Variants in TOR1AIP2 observed in about 807,000 individuals in gnomAD.
TOR1AIP2 encodes torsin-1A-interacting protein 2.
A neutral mutation model predicts 32.6 loss-of-function variants in TOR1AIP2; 20 were observed. The observed-to-expected ratio is 0.61, with a 90% CI of 0.43 to 0.89. The LOEUF is 0.89. TOR1AIP2 is among the 40% of genes least tolerant of loss of function. The probability of loss-of-function intolerance (pLI) is 0.00; values close to 1 mark genes in which losing one functional copy is unlikely to be tolerated. For synonymous variants in TOR1AIP2, 214 were observed against 210.8 expected, an observed-to-expected ratio of 1.02 and a Z score of -0.13; for missense variants, 456 against 553.8, an observed-to-expected ratio of 0.82 and a Z score of 1.77.
intron 3 of TOR1AIP2, among the ~76,000 whole-genome samples, chr1:179,855,904 C>T (rs1558015048): frequency 1.3e-5 from 2 of 152,102 alleles, no homozygotes; most frequent in East Asian, 3.8e-4. Flanking sequence ...GCTGACCAGG[C>T]ACAGTGGCTC....
At chr1:179,858,377 T>C (rs1010030739) in intron 3 of TOR1AIP2, among the ~76,000 whole-genome samples, 1 of 152,156 alleles carries the variant, frequency 6.6e-6, no homozygotes, top group African/African-American at 2.4e-5. Context: ...TTCCATTTAG[T>C]GCTTGCTTCT....
At chr1:179,864,995 C>A in intron 3 of TOR1AIP2, 5 of 1,614,032 alleles carry the variant, frequency 3.1e-6, no homozygotes, top group Non-Finnish European at 4.2e-6. Context: ...AAGAACAAGG[C>A]TTCTATTAGC....
chr1:179,872,063 A>T (rs757622398), intron 2 of TOR1AIP2, among the ~76,000 whole-genome samples: 5 of 152,226 alleles, frequency 3.3e-5, no homozygotes, highest in Non-Finnish European at 7.3e-5. Context: ...CCCTCTTTAG[A>T]ACAGAGAAGC....
chr1:179,859,481 T>TA, intron 3 of TOR1AIP2: 1 of 985,428 alleles, frequency 1.0e-6, no homozygotes. Context: ...CTGGAAAACT[T>TA]ACATCTAGGT....
intron 3 of TOR1AIP2, chr1:179,864,582 A>G: frequency 1.5e-6 from 2 of 1,322,554 alleles, no homozygotes; most frequent in Non-Finnish European, 1.9e-6. Flanking sequence ...GCCTCAGTCT[A>G]GATGAACAGG....
In TOR1AIP2 at chr1:179,844,118, C is replaced by T. The variant is rs931984620; in HGVS notation, c.*1953G>A. 5.9e-5 allele frequency: 9 copies of T among 152,128 alleles called. No individual in the cohort carries two copies. Among genetic ancestry groups the T allele is most frequent in the Middle Eastern group, 3.2e-3 (1 of 316 alleles). 9.4% of individuals were successfully genotyped at this position (152,128 alleles called of 1,614,324 possible). ...GGCAACACTGGTTTTGTGGATGTAACGCTAGCATCTAAGATCTAAAAAGAC... is the reference window on the plus strand; with the variant it reads ...GGCAACACTGGTTTTGTGGATGTAATGCTAGCATCTAAGATCTAAAAAGAC... On this transcript the variant is annotated 3_prime_UTR_variant, in exon 7 of 7. Transcript: ENST00000609928.
chr1:179,842,386 T>A lies in TOR1AIP2; in HGVS notation c.*3685A>T, dbSNP rs188466586. 6.6e-6 allele frequency: 1 copy of A among 152,234 alleles called. No homozygotes were observed. The highest frequency in any genetic ancestry group is 1.9e-4 in the East Asian group (1 of 5,186). The allele number at this position is 152,234 out of a possible 1,614,324, so 9.4% of individuals were successfully genotyped here. A position where few individuals can be genotyped will look rare whatever the true frequency, so the allele number is the denominator to read the frequency against. Reference sequence around the variant, plus strand: ...TATTGATTGCTTTTTAAAATAGAAATATGAAACAAATTAGCATTACTATTT... The same window carrying A: ...TATTGATTGCTTTTTAAAATAGAAAAATGAAACAAATTAGCATTACTATTT... On this transcript the variant is annotated 3_prime_UTR_variant, in exon 7 of 7. Coordinates refer to ENST00000609928, the MANE Select transcript of TOR1AIP2 (RefSeq NM_001199260.2).
intron 3 of TOR1AIP2, among the ~76,000 whole-genome samples, chr1:179,857,102 A>G (rs1696330408): frequency 6.6e-6 from 1 of 152,264 alleles, no homozygotes; most frequent in Non-Finnish European, 1.5e-5. Context: ...TTTTGATAGT[A>G]TCTTCTACAA....
intron 3 of TOR1AIP2, chr1:179,859,268 A>C: frequency 9.4e-6 from 8 of 846,672 alleles, no homozygotes; most frequent in Non-Finnish European, 1.1e-5. Context: ...TTTAATCTTC[A>C]CAACAATCTT....
Position 179,844,897 on chromosome 1 carries a change from A to G in TOR1AIP2, c.*1174T>C, listed in dbSNP as rs1406779463. 6.6e-6 allele frequency: 1 copy of G among 152,246 alleles called. No homozygotes were observed. Among genetic ancestry groups the G allele is most frequent in the Non-Finnish European group, 1.5e-5 (1 of 68,034 alleles). 9.4% of individuals were successfully genotyped at this position (152,246 alleles called of 1,614,324 possible). A position where few individuals can be genotyped will look rare whatever the true frequency, so the allele number is the denominator to read the frequency against. ...TTAAAATAAAACAAATAAATTGGTT[A>G]TTAAAATCTGTTCTGCTGAAAGAGT... On this transcript the variant is annotated 3_prime_UTR_variant, in exon 7 of 7. Coordinates refer to ENST00000609928, the MANE Select transcript of TOR1AIP2 (RefSeq NM_001199260.2).
intron 3 of TOR1AIP2, among the ~76,000 whole-genome samples, chr1:179,856,459 A>G (rs1043498614): frequency 1.3e-5 from 2 of 152,214 alleles, no homozygotes; most frequent in African/African-American, 4.8e-5. Context: ...CACTTCATTC[A>G]GACCTTTTGT....
intron 3 of TOR1AIP2, chr1:179,863,118 C>T (rs531891530): frequency 3.2e-4 from 119 of 368,274 alleles, no homozygotes; most frequent in Middle Eastern, 1.4e-3. Flanking sequence ...CCCAGCTACT[C>T]GGGAGGCTGA....
rs2148414970 is a variant in TOR1AIP2, at chr1:179,841,073, T to C, written c.*4998A>G. 1 of 152,250 alleles carries C rather than the reference T, an allele frequency of 6.6e-6. No homozygotes were observed. Among genetic ancestry groups the C allele is most frequent in the East Asian group, 1.9e-4 (1 of 5,184 alleles). 9.4% of individuals were successfully genotyped at this position (152,250 alleles called of 1,614,324 possible). A position where few individuals can be genotyped will look rare whatever the true frequency, so the allele number is the denominator to read the frequency against. Reference sequence around the variant, plus strand: ...AAAAATAAGGCTTATTTTAAAGTCATCTGGAGAAACTGTTTTACAGGTATC... The same window carrying C: ...AAAAATAAGGCTTATTTTAAAGTCACCTGGAGAAACTGTTTTACAGGTATC... On this transcript the variant is annotated 3_prime_UTR_variant, in exon 7 of 7. Coordinates refer to ENST00000609928, the MANE Select transcript of TOR1AIP2 (RefSeq NM_001199260.2).
chr1:179,850,110 TGAAA>T lies in TOR1AIP2; in HGVS notation c.553+731_553+734del, dbSNP rs1183652051. Reference sequence around the variant, plus strand: ...AACCCACACAGACAATCACAGAAGGTGAAAGTTAGAAGAATGTTTGGATATCATC... The same window carrying T: ...AACCCACACAGACAATCACAGAAGGTGTTAGAAGAATGTTTGGATATCATC... On this transcript the variant is annotated intron_variant, in intron 5 of 6. Transcript: ENST00000609928. Among the ~76,000 whole-genome samples the T allele has an allele frequency of 1.5e-3, 222 of 152,266 alleles. 1 individual carries two copies. Among genetic ancestry groups the T allele is most frequent in the African/African-American group, 5.2e-3 (218 of 41,534 alleles).
intron 3 of TOR1AIP2, among the ~76,000 whole-genome samples, chr1:179,853,437 G>A (rs935916802): frequency 1.3e-5 from 2 of 152,054 alleles, no homozygotes; most frequent in Non-Finnish European, 2.9e-5. Flanking sequence ...TTACACAAAA[G>A]GAATCAAAAT....
intron 3 of TOR1AIP2, chr1:179,863,288 C>T (rs1696629789): frequency 2.0e-6 from 2 of 982,618 alleles, no homozygotes; most frequent in South Asian, 4.7e-5. Context: ...CCTACCCAGG[C>T]AATGCTAACC....
chr1:179,864,411 T>C (rs1452440302), intron 3 of TOR1AIP2: 3 of 995,860 alleles, frequency 3.0e-6, no homozygotes, highest in African/African-American at 1.7e-5. Flanking sequence ...AAGTTATCAT[T>C]AGAAATACCA....
chr1:179,865,041 CT>C (rs745384587), intron 3 of TOR1AIP2: 1 of 1,613,928 alleles, frequency 6.2e-7, no homozygotes, highest in African/African-American at 1.3e-5. Flanking sequence ...CAATAATCAG[CT>C]CTGTTAATAC....
rs1695820264 is a variant in TOR1AIP2 at position 179,844,259 on chromosome 1, A to C, written c.*1812T>G. ...AACTTTTTGTTCAGGTCTCTTCCCA[A>C]ATCTCTTGGAAGCTTCCTTCGAAGT... On this transcript the variant is annotated 3_prime_UTR_variant, in exon 7 of 7. Coordinates refer to ENST00000609928, the MANE Select transcript of TOR1AIP2 (RefSeq NM_001199260.2). 1 of 152,184 alleles carries C rather than the reference A, an allele frequency of 6.6e-6. No individual in the cohort carries two copies. Among genetic ancestry groups the C allele is most frequent in the Admixed American group, 6.5e-5 (1 of 15,276 alleles). 9.4% of individuals were successfully genotyped at this position (152,184 alleles called of 1,614,324 possible). A position where few individuals can be genotyped will look rare whatever the true frequency, so the allele number is the denominator to read the frequency against.
Sources: allele counts gnomAD v4.1 joint callset (sites outside exome capture counted in the v4.1 genomes callset), GRCh38; gene constraint gnomAD v4.1.1; transcripts MANE v1.5; gene names NCBI Gene and HGNC (gene_info 2026-07-23, HGNC 2026-07-21).